Variants in PFKFB1 observed in about 807,000 individuals in gnomAD.
PFKFB1 encodes the protein 6-phosphofructo-2-kinase/fructose-2,6-bisphosphatase 1.
A neutral mutation model predicts 46.4 loss-of-function variants in PFKFB1; 34 were observed. The observed-to-expected ratio is 0.73, with a 90% CI of 0.56 to 0.98. The LOEUF is 0.98. Among genes scored for constraint, PFKFB1 ranks in the 50% least tolerant of loss-of-function variants. The pLI is 0.00. For synonymous variants in PFKFB1, 119 were observed against 133.8 expected, an observed-to-expected ratio of 0.89 and a Z score of 0.76; for missense variants, 393 against 376.3, an observed-to-expected ratio of 1.04 and a Z score of -0.37.
chrX:54,970,451 T>C (rs5960383), intron 1 of PFKFB1, among the ~76,000 whole-genome samples: 1 of 94,364 alleles, frequency 1.1e-5, no homozygotes, highest in East Asian at 3.8e-4. Flanking sequence ...TCGTCATCTA[T>C]CATTAGGTAT....
rs1281971599 is a variant in PFKFB1 at position 54,985,981 on chromosome X, G to C, written c.97+7930C>G. ...AAAAGAAAGCAGTAAAGGAAGAATA[G>C]AGAGAAAAAGACATGAGCTCTATGG... On this transcript the variant is annotated intron_variant, in intron 1 of 13. Transcript: ENST00000375006. Among the ~76,000 whole-genome samples, 8 of 111,759 alleles carry C rather than the reference G, an allele frequency of 7.2e-5. No individual in the cohort carries two copies. In the Admixed American group the frequency reaches 7.6e-4, roughly 11 times the overall value.
At chrX:54,990,185 TAAATAGAAAA>T (rs1935205744) in intron 1 of PFKFB1, among the ~76,000 whole-genome samples, 1 of 110,538 alleles carries the variant, frequency 9.0e-6, no homozygotes, top group Non-Finnish European at 1.9e-5. Flanking sequence ...AAAAAATAGT[TAAATAGAAAA>T]TAAAGATAAA....
At chrX:54,991,093 G>A (rs781214354) in intron 1 of PFKFB1, among the ~76,000 whole-genome samples, 3 of 110,963 alleles carry the variant, frequency 2.7e-5, no homozygotes, top group East Asian at 5.7e-4. Context: ...AAAGGCGGGA[G>A]GTCTTAGCAG....
At chrX:54,986,031 C>A (rs1402200614) in intron 1 of PFKFB1, among the ~76,000 whole-genome samples, 1 of 111,078 alleles carries the variant, frequency 9.0e-6, no homozygotes, top group East Asian at 2.8e-4. Flanking sequence ...ATATTTAAAC[C>A]AACTATATCA....
chrX:54,933,550 C>T, intron 13 of PFKFB1, 88 bp from the exon 14 acceptor site: 2 of 789,020 alleles, frequency 2.5e-6, no homozygotes, highest in East Asian at 3.3e-5. Flanking sequence ...TTGCCAGGCT[C>T]CCCTCTTTCA....
chrX:54,995,961 C>A, upstream of PFKFB1, among the ~76,000 whole-genome samples: 1 of 112,342 alleles, frequency 8.9e-6, no homozygotes, highest in Non-Finnish European at 1.9e-5. Flanking sequence ...TAAAGACTTG[C>A]AAGATCATTT....
intron 2 of PFKFB1, among the ~76,000 whole-genome samples, chrX:54,962,414 T>C (rs138650843): frequency 0.011 from 1,241 of 112,260 alleles, 6 homozygotes; most frequent in Non-Finnish European, 0.019. Context: ...TGATATGAGG[T>C]ATTCTTATAC....
chrX:54,971,596 T>G (rs1442181838), intron 1 of PFKFB1, among the ~76,000 whole-genome samples: 1 of 112,268 alleles, frequency 8.9e-6, no homozygotes, highest in African/African-American at 3.2e-5. Flanking sequence ...AAATAGGGAA[T>G]CCTTTCCCCA....
At chrX:54,943,629 T>C (rs1418095285) in intron 10 of PFKFB1, among the ~76,000 whole-genome samples, 1 of 110,530 alleles carries the variant, frequency 9.0e-6, no homozygotes, top group Non-Finnish European at 1.9e-5. Context: ...CAGGTGCCCG[T>C]AGTCCCAGCT....
chrX:54,948,850 A>G (rs748021088), intron 9 of PFKFB1, among the ~76,000 whole-genome samples: 56 of 112,039 alleles, frequency 5.0e-4, no homozygotes, highest in African/African-American at 1.7e-3. Context: ...CTGAGATGTA[A>G]TGTCCTATTT....
intron 1 of PFKFB1, among the ~76,000 whole-genome samples, chrX:54,967,277 T>C (rs980428930): frequency 1.8e-5 from 2 of 112,092 alleles, no homozygotes; most frequent in African/African-American, 6.5e-5. Flanking sequence ...CATTAAATTA[T>C]CTTAAATTAG....
intron 10 of PFKFB1, among the ~76,000 whole-genome samples, chrX:54,940,505 C>T (rs780868146): frequency 1.8e-3 from 203 of 111,802 alleles, no homozygotes; most frequent in African/African-American, 5.8e-3. Flanking sequence ...ATCGTCTCAG[C>T]GCAAAATCTC....
intron 8 of PFKFB1, among the ~76,000 whole-genome samples, chrX:54,950,920 C>T (rs1933953666): frequency 1.8e-5 from 2 of 112,820 alleles, no homozygotes; most frequent in Admixed American, 9.3e-5. Flanking sequence ...TCATCCTGGC[C>T]GCCTGCCCTG....
At position 54,993,957 on chromosome X, in the gene PFKFB1, C is replaced by T; in HGVS notation, c.51G>A (p.Trp17Ter). 8.3e-7 allele frequency: 1 copy of T among 1,208,284 alleles called. No individual in the cohort carries two copies. The highest frequency in any genetic ancestry group is 1.1e-6 in the Non-Finnish European group (1 of 893,877). ...ELTQTRLQKI[W>*]IPHSSGSSRL... ...TGCTGCTGCCGCTGCTGTGTGGAAT[C>T]CAGATCTTCTGCAACCTGGTTTGGG... is the stretch of plus-strand genomic sequence containing the variant. The change falls in exon 1 of 14, where the codon TGG becomes TGA. Residue 17 changes from tryptophan (W) to a stop codon, truncating the protein, a stop_gained. Coordinates refer to ENST00000375006, the MANE Select transcript of PFKFB1 (RefSeq NM_002625.4). LOFTEE classifies it high-confidence loss of function.
rs897557591 is a variant in PFKFB1, at chrX:54,993,915, C to T, written c.93G>A (p.Arg31=). ...SSGSSRLQRR[R]GSSIPQFTNS... is the part of the protein sequence containing the mutation. ...ACGGAAGCAAACCCCACTTACAGCC[C>T]CTTCTCCGTTGCAGCCTGCTGCTGC... The change falls in exon 1 of 14, where the codon AGG becomes AGA. Residue 31 remains arginine, a synonymous_variant. Transcript: ENST00000375006. 7.5e-6 allele frequency: 9 copies of T among 1,203,003 alleles called. No homozygotes were observed. In the African/African-American group the frequency reaches 1.4e-4, roughly 19 times the overall value.
intron 10 of PFKFB1, among the ~76,000 whole-genome samples, chrX:54,940,940 C>G (rs193125094): frequency 8.9e-6 from 1 of 111,756 alleles, no homozygotes; most frequent in African/African-American, 3.3e-5. Context: ...CCAAGTCAAT[C>G]CTAAGTCAAA....
chrX:54,960,404 G>C (rs1187412714), intron 3 of PFKFB1, among the ~76,000 whole-genome samples: 1 of 112,667 alleles, frequency 8.9e-6, no homozygotes. Context: ...GAGTCTTGTA[G>C]TGCAGAGAGA....
At chrX:54,984,923 T>A (rs1602225643) in intron 1 of PFKFB1, among the ~76,000 whole-genome samples, 1 of 110,657 alleles carries the variant, frequency 9.0e-6, no homozygotes, top group East Asian at 2.9e-4. Context: ...TCCATCTTGC[T>A]CACAGGGTAG....
chrX:54,981,661 CAT>C (rs1278549183), intron 1 of PFKFB1, among the ~76,000 whole-genome samples: 3 of 111,488 alleles, frequency 2.7e-5, no homozygotes, highest in Non-Finnish European at 5.7e-5. Flanking sequence ...AAATGGTAAA[CAT>C]GTGTGTCAAA....
Sources: gnomAD v4.1 joint callset for allele counts (sites outside exome capture counted in the v4.1 genomes callset) on GRCh38, gnomAD v4.1.1 for gene constraint, MANE v1.5 for transcripts, NCBI Gene and HGNC (gene_info 2026-07-23, HGNC 2026-07-21) for gene names.